The following UBE2E2 variants were observed in gnomAD, a reference collection of about 807,000 sequenced individuals.
UBE2E2 encodes the protein ubiquitin conjugating enzyme E2 E2.
Under a neutral mutation model 24.7 loss-of-function variants are expected in UBE2E2, and 6 were observed. The observed-to-expected ratio is 0.24, with a 90% CI of 0.13 to 0.48. The LOEUF (loss-of-function observed/expected upper bound fraction) is 0.48, where lower values mean the gene tolerates loss of function less well. Ranked by LOEUF, UBE2E2 falls within the 20% of genes least tolerant of loss-of-function variation. The probability of loss-of-function intolerance (pLI) is 0.99; values close to 1 mark genes in which losing one functional copy is unlikely to be tolerated. For synonymous variants in UBE2E2, 104 were observed against 83.6 expected, an observed-to-expected ratio of 1.24 and a Z score of -1.33; for missense variants, 169 against 245.0, an observed-to-expected ratio of 0.69 and a Z score of 2.07.
chr3:23,526,247 A>G (rs553598624), intron 4 of UBE2E2, among the ~76,000 whole-genome samples: 3 of 152,336 alleles, frequency 2.0e-5, no homozygotes, highest in Admixed American at 1.3e-4. Flanking sequence ...AGTTTAGCCT[A>G]TATGAAGCCC....
chr3:23,523,800 G>C (rs886301498), intron 4 of UBE2E2, among the ~76,000 whole-genome samples: 17 of 149,390 alleles, frequency 1.1e-4, no homozygotes, highest in African/African-American at 4.3e-4. Flanking sequence ...TTTAAGAAAA[G>C]AGCACTTGAA....
At chr3:23,497,975 C>T (rs1002258069) in intron 3 of UBE2E2, among the ~76,000 whole-genome samples, 3 of 152,158 alleles carry the variant, frequency 2.0e-5, no homozygotes, top group African/African-American at 7.2e-5. Flanking sequence ...TTGATTTTTG[C>T]ATTTGCATTT....
At chr3:23,504,006 G>A (rs1345618949) in intron 4 of UBE2E2, among the ~76,000 whole-genome samples, 1 of 136,736 alleles carries the variant, frequency 7.3e-6, no homozygotes, top group Non-Finnish European at 1.6e-5. Context: ...TAAGCAAAAG[G>A]GAAAAAAATT....
intron 3 of UBE2E2, among the ~76,000 whole-genome samples, chr3:23,497,700 T>A (rs1699634090): frequency 6.6e-6 from 1 of 152,234 alleles, no homozygotes; most frequent in Non-Finnish European, 1.5e-5. Context: ...TTTTTCTTAA[T>A]TTTTCAATAT....
intron 4 of UBE2E2, among the ~76,000 whole-genome samples, chr3:23,501,619 A>G (rs1699721837): frequency 1.3e-5 from 2 of 152,146 alleles, no homozygotes; most frequent in South Asian, 2.1e-4. Context: ...CTGTCCTCAC[A>G]TGTTTTAGGG....
chr3:23,369,629 T>C (rs1013996189), intron 3 of UBE2E2, among the ~76,000 whole-genome samples: 1 of 152,180 alleles, frequency 6.6e-6, no homozygotes, highest in Non-Finnish European at 1.5e-5. Flanking sequence ...CTTAGGAATA[T>C]GGGAATTGCC....
At position 23,417,143 on chromosome 3, in the gene UBE2E2, G is replaced by T. The variant is rs552892282; in HGVS notation, c.228-82465G>T. Among the ~76,000 whole-genome samples the T allele has an allele frequency of 5.3e-5, 8 of 152,286 alleles. No individual in the cohort carries two copies. The South Asian group carries it at 1.7e-3, about 32-fold the overall frequency. On this transcript the variant is annotated intron_variant, in intron 3 of 5. Coordinates refer to ENST00000396703, the MANE Select transcript of UBE2E2 (RefSeq NM_152653.4). ...AGGAGAAGAGGCTTTCTGGTTTTTGGAATTCTCAGCCTTTTTGTGCTGGTT... is the reference window on the plus strand; with the variant it reads ...AGGAGAAGAGGCTTTCTGGTTTTTGTAATTCTCAGCCTTTTTGTGCTGGTT...
At chr3:23,431,728 C>G (rs1257229425) in intron 3 of UBE2E2, among the ~76,000 whole-genome samples, 1 of 152,030 alleles carries the variant, frequency 6.6e-6, no homozygotes, top group Non-Finnish European at 1.5e-5. Flanking sequence ...TTTTTAGCCT[C>G]TGAAAACCAC....
At chr3:23,535,618 CTT>C (rs67901258) in intron 5 of UBE2E2, among the ~76,000 whole-genome samples, 3 of 86,018 alleles carry the variant, frequency 3.5e-5, no homozygotes, top group Non-Finnish European at 6.4e-5. Context: ...ATAGAGCATT[CTT>C]TTTTTTTTTT....
intron 3 of UBE2E2, among the ~76,000 whole-genome samples, chr3:23,358,919 A>G (rs1158851978): frequency 6.6e-6 from 1 of 152,200 alleles, no homozygotes; most frequent in East Asian, 1.9e-4. Flanking sequence ...ACATATATCC[A>G]GTAAATTGAC....
At chr3:23,292,432 G>T (rs1256269579) in intron 3 of UBE2E2, among the ~76,000 whole-genome samples, 1 of 151,936 alleles carries the variant, frequency 6.6e-6, no homozygotes, top group Non-Finnish European at 1.5e-5. Flanking sequence ...TTCAGAGGAA[G>T]AAGTTAAGAA....
intron 3 of UBE2E2, among the ~76,000 whole-genome samples, chr3:23,432,837 A>G (rs1199860859): frequency 6.6e-6 from 1 of 151,882 alleles, no homozygotes; most frequent in Non-Finnish European, 1.5e-5. Context: ...GACATTAATA[A>G]TTTAATAATA....
At chr3:23,302,516 C>G (rs1274719599) in intron 3 of UBE2E2, among the ~76,000 whole-genome samples, 1 of 152,174 alleles carries the variant, frequency 6.6e-6, no homozygotes, top group East Asian at 1.9e-4. Flanking sequence ...GAGCACACAC[C>G]AACCTCTCCT....
At chr3:23,235,530 T>C (rs1697081513) in intron 3 of UBE2E2, among the ~76,000 whole-genome samples, 1 of 152,066 alleles carries the variant, frequency 6.6e-6, no homozygotes. Flanking sequence ...AGAGTTTGGC[T>C]TTTATTAAGA....
chr3:23,495,549 C>T (rs1012628506), intron 3 of UBE2E2, among the ~76,000 whole-genome samples: 2 of 152,196 alleles, frequency 1.3e-5, no homozygotes, highest in Non-Finnish European at 2.9e-5. Context: ...TACTTTTTAA[C>T]TGAATTTATT....
chr3:23,460,666 T>C (rs1157880154), intron 3 of UBE2E2, among the ~76,000 whole-genome samples: 1 of 152,214 alleles, frequency 6.6e-6, no homozygotes, highest in Admixed American at 6.5e-5. Flanking sequence ...TATTTTCTTT[T>C]GGGTTGTCAT....
At chr3:23,383,727 G>A (rs569949777) in intron 3 of UBE2E2, among the ~76,000 whole-genome samples, 1 of 151,836 alleles carries the variant, frequency 6.6e-6, no homozygotes, top group South Asian at 2.1e-4. Context: ...TTCTTCTAGA[G>A]CCCTGCTTAG....
chr3:23,264,258 A>AGATTT (rs1559324434), intron 3 of UBE2E2, among the ~76,000 whole-genome samples: 1 of 152,072 alleles, frequency 6.6e-6, no homozygotes, highest in Non-Finnish European at 1.5e-5. Flanking sequence ...AAGAGAAAGA[A>AGATTT]CATTTTACTG....
At chr3:23,314,346 T>TC (rs1316056893) in intron 3 of UBE2E2, among the ~76,000 whole-genome samples, 1 of 152,138 alleles carries the variant, frequency 6.6e-6, no homozygotes, top group African/African-American at 2.4e-5. Flanking sequence ...TCCAGGCTGG[T>TC]CTCATACTCC....
Sources: gnomAD v4.1 joint callset for allele counts (sites outside exome capture counted in the v4.1 genomes callset) on GRCh38, gnomAD v4.1.1 for gene constraint, MANE v1.5 for transcripts, NCBI Gene and HGNC (gene_info 2026-07-23, HGNC 2026-07-21) for gene names.